Variants in DGKD observed in about 807,000 individuals in gnomAD.
The protein encoded by DGKD is DAG kinase delta.
DGKD carries 68 observed loss-of-function variants against 154.4 expected under a neutral mutation model. That is an observed-to-expected ratio of 0.44 (90% CI 0.36 to 0.54). DGKD has a LOEUF of 0.54. DGKD is among the 20% of genes least tolerant of loss of function. The probability of loss-of-function intolerance (pLI) is 0.00; values close to 1 mark genes in which losing one functional copy is unlikely to be tolerated. For synonymous variants in DGKD, 693 were observed against 638.0 expected (o/e 1.09, Z -1.30); for missense variants, 1,343 against 1,593.6 (o/e 0.84, Z 2.68).
intron 1 of DGKD, among the ~76,000 whole-genome samples, chr2:233,358,767 A>G (rs1701639973): frequency 6.6e-6 from 1 of 152,210 alleles, no homozygotes; most frequent in Non-Finnish European, 1.5e-5. Context: ...TCCATTCTAC[A>G]GGCACACTGT....
At chr2:233,443,350 T>G (rs1260655072) in intron 10 of DGKD, among the ~76,000 whole-genome samples, 3 of 152,338 alleles carry the variant, frequency 2.0e-5, no homozygotes, top group Non-Finnish European at 4.4e-5. Flanking sequence ...AGTATTCACC[T>G]TTTTTTCCTT....
intron 8 of DGKD, 74 bp downstream of exon 8, chr2:233,437,553 G>C: frequency 1.4e-6 from 2 of 1,425,528 alleles, no homozygotes; most frequent in Non-Finnish European, 2.0e-6. Context: ...CTCTTCTCCA[G>C]CTCTGGAGTT....
Position 233,452,934 on chromosome 2 carries a change from G to A in DGKD, c.2264+874G>A, listed in dbSNP as rs145187623. ...GGGAAAGTGGACCCCTAGATTCCAG[G>A]TGCTGGCCTGGTACAGCACTTCAGT... On this transcript the variant is annotated intron_variant, in intron 18 of 29. Coordinates refer to ENST00000264057, the MANE Select transcript of DGKD (RefSeq NM_152879.3). The surrounding 1 kb of genome is among the most constrained non-coding windows in gnomAD (Gnocchi z 4.0). Among the ~76,000 whole-genome samples the A allele has an allele frequency of 9.9e-5, 15 of 152,256 alleles. No homozygotes were observed. Among genetic ancestry groups the A allele is most frequent in the African/African-American group, 3.4e-4 (14 of 41,542 alleles).
chr2:233,435,710 T>C lies in DGKD; in HGVS notation c.587-108T>C, dbSNP rs551290441. 6 of 971,982 alleles carry C rather than the reference T, an allele frequency of 6.2e-6. No individual in the cohort carries two copies. In the African/African-American group the frequency reaches 1.0e-4, roughly 16 times the overall value. 60.2% of individuals were successfully genotyped at this position (971,982 alleles called of 1,614,324 possible). ...ACTTATAAAATGGGAGTGCCATTGG[T>C]TCCTTCCTTGACTTTTCTGGAGCTG... On this transcript the variant is annotated intron_variant, in intron 5 of 29. Transcript: ENST00000264057.
chr2:233,457,000 G>T lies in DGKD; in HGVS notation c.2472+5G>T, dbSNP rs762006251. ...GAGCAAAAGGTCTTGCTGGAGGTGA[G>T]TGGGAGGGTCCTTGTCACCTGCAGG... On this transcript the variant is annotated splice_donor_5th_base_variant and intron_variant, in intron 20 of 29. Transcript: ENST00000264057. 1.2e-6 allele frequency: 2 copies of T among 1,611,414 alleles called. No homozygotes were observed. Among genetic ancestry groups the T allele is most frequent in the South Asian group, 1.1e-5 (1 of 91,040 alleles).
chr2:233,436,533 C>T, intron 7 of DGKD, 92 bp downstream of exon 7: 1 of 1,491,940 alleles, frequency 6.7e-7, no homozygotes, highest in Non-Finnish European at 8.9e-7. Context: ...TCTGCTGGAT[C>T]CTGGTAAATT....
chr2:233,463,521 A>G lies in DGKD; in HGVS notation c.3187-643A>G, dbSNP rs1459986130. ...ATGTCCTCACTGCACGCATGTCCTCACTCCACGCATCTCCTCACTCCACGC... is the reference window on the plus strand; with the variant it reads ...ATGTCCTCACTGCACGCATGTCCTCGCTCCACGCATCTCCTCACTCCACGC... On this transcript the variant is annotated intron_variant, in intron 26 of 29. Transcript: ENST00000264057. 2.3e-4 allele frequency among the ~76,000 whole-genome samples: 27 copies of G among 118,400 alleles called. 1 individual carries two copies. Among genetic ancestry groups the G allele is most frequent in the African/African-American group, 9.6e-4 (23 of 24,006 alleles). 77.7% of individuals were successfully genotyped at this position (118,400 alleles called of 152,430 possible).
At chr2:233,413,686 T>TG (rs2061887022) in intron 3 of DGKD, among the ~76,000 whole-genome samples, 1 of 152,186 alleles carries the variant, frequency 6.6e-6, no homozygotes, top group African/African-American at 2.4e-5. Flanking sequence ...CCCGTCCACA[T>TG]GGGACCGTGT....
chr2:233,380,610 C>T (rs1702840493), intron 1 of DGKD, among the ~76,000 whole-genome samples: 2 of 152,086 alleles, frequency 1.3e-5, no homozygotes, highest in Non-Finnish European at 2.9e-5. Flanking sequence ...GATGAAAGGT[C>T]CCCCGCGACC....
chr2:233,458,317 C>T lies in DGKD; in HGVS notation c.2614C>T (p.Leu872=), dbSNP rs1193856131. The change falls in exon 22 of 30, where the codon CTG becomes TTG. Residue 872 remains leucine, a synonymous_variant. Coordinates refer to ENST00000264057, the MANE Select transcript of DGKD (RefSeq NM_152879.3). The surrounding 1 kb of genome is among the most constrained non-coding windows in gnomAD (Gnocchi z 6.6). ...FAAPSFDDKI[L]EVVAVFGSMQ... is the part of the protein sequence containing the mutation. ...AGCTCCATCATTCGATGACAAGATT[C>T]TGGAGGTGGTCGCCGTGTTCGGCAG... 3 of 1,612,674 alleles carry T rather than the reference C, an allele frequency of 1.9e-6. No homozygotes were observed. The highest frequency in any genetic ancestry group is 2.5e-6 in the Non-Finnish European group (3 of 1,179,748).
chr2:233,413,127 G>A (rs905311989), intron 3 of DGKD, among the ~76,000 whole-genome samples: 2 of 152,112 alleles, frequency 1.3e-5, no homozygotes, highest in Non-Finnish European at 2.9e-5. Flanking sequence ...GCCAGATGTG[G>A]TGGCTCACGT....
chr2:233,380,212 A>G (rs1245452867), intron 1 of DGKD, among the ~76,000 whole-genome samples: 3 of 152,214 alleles, frequency 2.0e-5, no homozygotes, highest in Non-Finnish European at 4.4e-5. Context: ...TGCTATTAAT[A>G]TTAACTAAAG....
intron 24 of DGKD, among the ~76,000 whole-genome samples, chr2:233,461,714 G>A (rs2063650031): frequency 6.6e-6 from 1 of 152,286 alleles, no homozygotes; most frequent in Admixed American, 6.5e-5. Flanking sequence ...AGCACTGCAG[G>A]AAGCTGCTGG....
chr2:233,452,758 GA>G lies in DGKD; in HGVS notation c.2264+702del. ...CCATTTTGGAGACAAGTGGTGTTTT[GA>G]AAACCTGTTTTTCTGCACTCATCTT... On this transcript the variant is annotated intron_variant, in intron 18 of 29. Coordinates refer to ENST00000264057, the MANE Select transcript of DGKD (RefSeq NM_152879.3). This position sits in a 1 kb window ranked among gnomAD's most constrained non-coding sequence, Gnocchi z 4.0. Among the ~76,000 whole-genome samples the G allele has an allele frequency of 6.6e-6, 1 of 152,294 alleles. No individual in the cohort carries two copies. The highest frequency in any genetic ancestry group is 6.5e-5 in the Admixed American group (1 of 15,300).
At chr2:233,465,369 A>G (rs1414797524) in intron 27 of DGKD, among the ~76,000 whole-genome samples, 2 of 152,096 alleles carry the variant, frequency 1.3e-5, no homozygotes, top group African/African-American at 4.8e-5. Context: ...GGACGGGGGG[A>G]GGAAAGCATG....
In DGKD at chr2:233,449,890, C is replaced by T. The variant is rs970433201; in HGVS notation, c.1889-92C>T. 17 of 1,424,038 alleles carry T rather than the reference C, an allele frequency of 1.2e-5. No individual in the cohort carries two copies. Among genetic ancestry groups the T allele is most frequent in the Middle Eastern group, 2.1e-4 (1 of 4,696 alleles). The allele number at this position is 1,424,038 out of a possible 1,614,324, so 88.2% of individuals were successfully genotyped here. A position where few individuals can be genotyped will look rare whatever the true frequency, so the allele number is the denominator to read the frequency against. ...AGAGGTTGTTTGAGGAAGATCAGGC[C>T]GTGGGGTGAGGATGAGGGGCCCTCC... On this transcript the variant is annotated intron_variant, in intron 15 of 29. Coordinates refer to ENST00000264057, the MANE Select transcript of DGKD (RefSeq NM_152879.3). The surrounding 1 kb of genome is among the most constrained non-coding windows in gnomAD (Gnocchi z 5.3).
chr2:233,402,796 T>C (rs1226015005), intron 3 of DGKD, among the ~76,000 whole-genome samples: 2 of 152,230 alleles, frequency 1.3e-5, no homozygotes, highest in Non-Finnish European at 2.9e-5. Context: ...TTCAAATCAG[T>C]TGGAAAAGAT....
intron 3 of DGKD, among the ~76,000 whole-genome samples, chr2:233,398,982 T>C (rs1231372018): frequency 1.3e-5 from 2 of 152,226 alleles, no homozygotes; most frequent in East Asian, 1.9e-4. Context: ...TAGGGTCCAT[T>C]CGAGTTTTAT....
At position 233,446,023 on chromosome 2, in the gene DGKD, G is replaced by A. The variant is rs191901692; in HGVS notation, c.1334+261G>A. The stretch of plus-strand genomic sequence containing the variant: ...GGCCAAGCCTGAGTGTGTCAGGGCC[G>A]TGGAGAAGGCAGCTGTGCCATCTTT... On this transcript the variant is annotated intron_variant, in intron 11 of 29. Coordinates refer to ENST00000264057, the MANE Select transcript of DGKD (RefSeq NM_152879.3). Among the ~76,000 whole-genome samples, 219 of 152,290 alleles carry A rather than the reference G, an allele frequency of 1.4e-3. 1 individual carries two copies. Among genetic ancestry groups the A allele is most frequent in the African/African-American group, 4.8e-3 (201 of 41,560 alleles).
Sources: gnomAD v4.1 joint callset for allele counts (sites outside exome capture counted in the v4.1 genomes callset) on GRCh38, gnomAD v4.1.1 for gene constraint, Gnocchi (gnomAD v3.1) non-coding constraint, MANE v1.5 for transcripts, NCBI Gene and HGNC (gene_info 2026-07-23, HGNC 2026-07-21) for gene names.